Variants in REDIC1 observed in about 807,000 individuals in gnomAD.
REDIC1 encodes HEI10 Interacting Protein 1.
At chr12:39,655,032 T>C in the REDIC1 span, among the ~76,000 whole-genome samples, 2 of 152,226 alleles carry the variant, frequency 1.3e-5, no homozygotes, top group African/African-American at 4.8e-5. Flanking sequence ...TTGTTTATAG[T>C]ATACCCTTGA....
At chr12:39,748,608 C>G in the REDIC1 span, among the ~76,000 whole-genome samples, 7 of 152,230 alleles carry the variant, frequency 4.6e-5, no homozygotes, top group Admixed American at 4.6e-4. Flanking sequence ...CAAATCAACA[C>G]AATATACATT....
chr12:39,795,238 T>C, the REDIC1 span, among the ~76,000 whole-genome samples: 3 of 152,114 alleles, frequency 2.0e-5, no homozygotes, highest in Non-Finnish European at 4.4e-5. Flanking sequence ...TTAATGTTTC[T>C]TTGAGTTTCA....
chr12:39,770,507 C>T, the REDIC1 span, among the ~76,000 whole-genome samples: 39 of 152,268 alleles, frequency 2.6e-4, no homozygotes, highest in South Asian at 4.1e-3. Context: ...AAAATACCAA[C>T]CAGTGCATTT....
At chr12:39,755,869 T>A in the REDIC1 span, 9 of 152,048 alleles carry the variant, frequency 5.9e-5, no homozygotes, top group Admixed American at 2.0e-4. Flanking sequence ...AATACTTTCA[T>A]GAACTTCTGA....
chr12:39,722,846 C>A, the REDIC1 span, among the ~76,000 whole-genome samples: 1 of 152,124 alleles, frequency 6.6e-6, no homozygotes, highest in East Asian at 1.9e-4. Flanking sequence ...TGGGAGGTAA[C>A]CTCCAAGCCC....
the REDIC1 span, among the ~76,000 whole-genome samples, chr12:39,669,737 T>A: frequency 6.6e-6 from 1 of 152,196 alleles, no homozygotes; most frequent in Non-Finnish European, 1.5e-5. Context: ...TTTACCTACT[T>A]AAGCCTCCGC....
chr12:39,895,517 TATATA>T, the REDIC1 span, among the ~76,000 whole-genome samples: 38 of 924 alleles, frequency 0.041, no homozygotes, highest in Non-Finnish European at 0.047. Flanking sequence ...AAAAAAATTA[TATATA>T]TATATATATA....
chr12:39,721,015 C>A, the REDIC1 span: 1 of 1,613,644 alleles, frequency 6.2e-7, no homozygotes, highest in East Asian at 2.2e-5. Context: ...CAATTCAGCC[C>A]ACATTTTGCA....
the REDIC1 span, among the ~76,000 whole-genome samples, chr12:39,669,684 G>T: frequency 1.1e-4 from 17 of 152,360 alleles, no homozygotes; most frequent in South Asian, 1.2e-3. Flanking sequence ...GCCTCCTTGA[G>T]CTGCGGTGGG....
the REDIC1 span, among the ~76,000 whole-genome samples, chr12:39,906,170 G>T: frequency 0.049 from 7,457 of 152,138 alleles, 615 homozygotes; most frequent in African/African-American, 0.17. Flanking sequence ...TCTTAGCACA[G>T]CTTCCTATAG....
chr12:39,775,011 T>C, the REDIC1 span, among the ~76,000 whole-genome samples: 230 of 152,320 alleles, frequency 1.5e-3, no homozygotes, highest in African/African-American at 5.4e-3. Context: ...AATTTGAACA[T>C]TAGAATATTC....
chr12:39,713,979 G>C, the REDIC1 span, among the ~76,000 whole-genome samples: 1 of 146,350 alleles, frequency 6.8e-6, no homozygotes, highest in Admixed American at 6.8e-5. Context: ...GTGCATATAC[G>C]TATATATACA....
the REDIC1 span, among the ~76,000 whole-genome samples, chr12:39,787,998 G>A: frequency 6.6e-6 from 1 of 152,124 alleles, no homozygotes; most frequent in Non-Finnish European, 1.5e-5. Flanking sequence ...CAAGGAATGA[G>A]AATGTAGTAA....
At chr12:39,698,412 A>G in the REDIC1 span, among the ~76,000 whole-genome samples, 1 of 54,122 alleles carries the variant, frequency 1.8e-5, no homozygotes, top group East Asian at 3.2e-4. Context: ...AGACTTCAAC[A>G]TTCCTCTTTT....
the REDIC1 span, among the ~76,000 whole-genome samples, chr12:39,703,097 G>C: frequency 6.6e-6 from 1 of 152,162 alleles, no homozygotes; most frequent in Non-Finnish European, 1.5e-5. Context: ...AATTAGGCAG[G>C]AGAAGAAAAT....
chr12:39,725,651 AT>A, the REDIC1 span, among the ~76,000 whole-genome samples: 5 of 151,954 alleles, frequency 3.3e-5, no homozygotes, highest in African/African-American at 1.2e-4. Context: ...TTAATACTTA[AT>A]GCTTTCTGTG....
the REDIC1 span, among the ~76,000 whole-genome samples, chr12:39,902,938 C>T: frequency 0.49 from 74,362 of 151,822 alleles, 18,436 homozygotes; most frequent in East Asian, 0.78. Context: ...GAGTTGCACA[C>T]AAACTGTTGA....
the REDIC1 span, among the ~76,000 whole-genome samples, chr12:39,853,915 T>G: frequency 6.6e-6 from 1 of 152,126 alleles, no homozygotes; most frequent in African/African-American, 2.4e-5. Flanking sequence ...TAAAAACTCT[T>G]GTTTTAGTGA....
chr12:39,675,559 A>G, the REDIC1 span, among the ~76,000 whole-genome samples: 1 of 152,208 alleles, frequency 6.6e-6, no homozygotes, highest in Non-Finnish European at 1.5e-5. Context: ...GGAGAAAACA[A>G]CAGCTAATTC....
Sources: gnomAD v4.1 joint callset for allele counts (sites outside exome capture counted in the v4.1 genomes callset) on GRCh38, gnomAD v4.1.1 for gene constraint, MANE v1.5 for transcripts, NCBI Gene and HGNC (gene_info 2026-07-23, HGNC 2026-07-21) for gene names.